Variants in MUC5B observed in about 807,000 individuals in gnomAD.
MUC5B encodes mucin 5B, oligomeric mucus/gel-forming, also known as mucin-5B.
A neutral mutation model predicts 376.9 loss-of-function variants in MUC5B; 116 were observed. That is an observed-to-expected ratio of 0.31 (90% CI 0.26 to 0.36). The LOEUF (loss-of-function observed/expected upper bound fraction) is 0.36, where lower values mean the gene tolerates loss of function less well. Ranked by LOEUF, MUC5B falls within the 10% of genes least tolerant of loss-of-function variation. The pLI is 1.00. For synonymous variants in MUC5B, 3,517 were observed against 3,390.9 expected (o/e 1.04, Z -1.29); for missense variants, 7,165 against 7,769.9 (o/e 0.92, Z 2.93).
In MUC5B at chr11:1,234,950, T is replaced by A; in HGVS notation, c.2631-135T>A. 1 of 1,286,554 alleles carries A rather than the reference T, an allele frequency of 7.8e-7. No homozygotes were observed. The highest frequency in any genetic ancestry group is 1.0e-6 in the Non-Finnish European group (1 of 962,248). The allele number at this position is 1,286,554 out of a possible 1,614,324, so 79.7% of individuals were successfully genotyped here. A position where few individuals can be genotyped will look rare whatever the true frequency, so the allele number is the denominator to read the frequency against. On this transcript the variant is annotated intron_variant, in intron 21 of 48. Coordinates refer to ENST00000529681, the MANE Select transcript of MUC5B (RefSeq NM_002458.3). This position sits in a 1 kb window ranked among gnomAD's most constrained non-coding sequence, Gnocchi z 6.3. Reference sequence around the variant, plus strand: ...CATTCACAGTGGGGGACACCACTTCTTCCACGGAGGAGGGGTCAGGCTGGG... The same window carrying A: ...CATTCACAGTGGGGGACACCACTTCATCCACGGAGGAGGGGTCAGGCTGGG...
rs376060915 is a variant in MUC5B, at chr11:1,241,787, G to A, written c.4907G>A (p.Ser1636Asn). 6.2e-7 allele frequency: 1 copy of A among 1,612,254 alleles called. No individual in the cohort carries two copies. Among genetic ancestry groups the A allele is most frequent in the Non-Finnish European group, 8.5e-7 (1 of 1,179,204 alleles). Residue 1636 changes from serine (S) to asparagine (N), a missense_variant, in exon 31 of 49, where the codon AGC becomes AAC. Coordinates refer to ENST00000529681, the MANE Select transcript of MUC5B (RefSeq NM_002458.3). ...ALFSTPQPTS[S>N]PGLTRAPPAS... ...TTCTCAACGCCGCAGCCTACGAGTA[G>A]CCCGGGGCTGACCAGGGCTCCCCCG...
Position 1,251,555 on chromosome 11 carries a change from C to T in MUC5B, c.14675C>T (p.Ser4892Phe). The T allele has an allele frequency of 6.2e-7, 1 of 1,613,034 alleles. No homozygotes were observed. The highest frequency in any genetic ancestry group is 1.1e-5 in the South Asian group (1 of 91,064). ...GCCACTATGCCCACAGCCACTGCCT[C>T]CACGGTTCCCAGCTCGTCCACCGTG... is the stretch of plus-strand genomic sequence containing the variant. ...TMATMPTATA[S>F]TVPSSSTVGT... Residue 4892 changes from serine to phenylalanine, a missense_variant, in exon 31 of 49, where the codon TCC becomes TTC. Physicochemically the swap from Ser to Phe is radical, Grantham distance 155. Transcript: ENST00000529681.
In MUC5B at chr11:1,223,074, C is replaced by T. The variant is rs749701950; in HGVS notation, c.-50C>T. The T allele has an allele frequency of 2.5e-5, 17 of 688,598 alleles. No individual in the cohort carries two copies. The highest frequency in any genetic ancestry group is 6.2e-5 in the Admixed American group (3 of 48,474). The allele number at this position is 688,598 out of a possible 1,614,324, so 42.7% of individuals were successfully genotyped here. ...CCCCCAGGGGAGCAAGCACCCGGCC[C>T]GGCTCCCTCCCTGCCCGTCCCCGTC... On this transcript the variant is annotated 5_prime_UTR_variant, in exon 1 of 49. Coordinates refer to ENST00000529681, the MANE Select transcript of MUC5B (RefSeq NM_002458.3).
intron 24 of MUC5B, 21 bp from the exon 25 acceptor site, chr11:1,236,904 A>C (rs1590173795): frequency 1.4e-6 from 2 of 1,407,848 alleles, no homozygotes; most frequent in South Asian, 3.4e-5. Flanking sequence ...CCAGGGCCCC[A>C]CTCTCTCGCT....
rs1479876422 is a variant in MUC5B, at chr11:1,231,542, C to T, written c.1660C>T (p.His554Tyr). 3.2e-6 allele frequency: 5 copies of T among 1,582,462 alleles called. No homozygotes were observed. Among genetic ancestry groups the T allele is most frequent in the Non-Finnish European group, 4.3e-6 (5 of 1,166,314 alleles). Reference protein sequence around the residue: ...MQVFVRLDPAHQGQMCGLCGN... With the variant: ...MQVFVRLDPAYQGQMCGLCGN... Reference sequence around the variant, plus strand: ...GGTGTTTGTCAGGCTGGACCCCGCCCACCAGGGCCAGATGTGCGGTGAGGC... The same window carrying T: ...GGTGTTTGTCAGGCTGGACCCCGCCTACCAGGGCCAGATGTGCGGTGAGGC... The change falls in exon 14 of 49, where the codon CAC becomes TAC. Residue 554 changes from histidine (H) to tyrosine (Y), a missense_variant. Physicochemically the swap from His to Tyr is moderately conservative, Grantham distance 83 (BLOSUM62 2). This residue lies in a region of MUC5B where 640 missense variants were observed against 733.0 expected (regional missense o/e 0.87). Coordinates refer to ENST00000529681, the MANE Select transcript of MUC5B (RefSeq NM_002458.3).
chr11:1,242,336 G>T lies in MUC5B; in HGVS notation c.5456G>T (p.Gly1819Val). 6.2e-7 allele frequency: 1 copy of T among 1,613,914 alleles called. No homozygotes were observed. Among genetic ancestry groups the T allele is most frequent in the Non-Finnish European group, 8.5e-7 (1 of 1,179,856 alleles). Reference protein sequence around the residue: ...ETFENIRAAGGKMCWAPKSIE... With the variant: ...ETFENIRAAGVKMCWAPKSIE... ...TTTGAAAACATCAGGGCTGCTGGGG[G>T]CAAGATGTGCTGGGCACCAAAGAGC... The change falls in exon 31 of 49, where the codon GGC becomes GTC. Residue 1819 changes from glycine (G) to valine (V), a missense_variant. This residue lies in a region of MUC5B where 897 missense variants were observed against 779.6 expected (regional missense o/e 1.15). Coordinates refer to ENST00000529681, the MANE Select transcript of MUC5B (RefSeq NM_002458.3).
Position 1,223,212 on chromosome 11 carries a change from GC to G in MUC5B, c.70+24del, listed in dbSNP as rs755983960. The G allele has an allele frequency of 2.8e-6, 2 of 709,310 alleles. No homozygotes were observed. Among genetic ancestry groups the G allele is most frequent in the East Asian group, 2.7e-5 (1 of 37,236 alleles). 43.9% of individuals were successfully genotyped at this position (709,310 alleles called of 1,614,324 possible). Reference sequence around the variant, plus strand: ...CAGGCAGGTAAGAGCCCCCCACTCCGCCCCCTCTCGATGCTGTCTTCACGGC... The same window carrying G: ...CAGGCAGGTAAGAGCCCCCCACTCCGCCCCTCTCGATGCTGTCTTCACGGC... On this transcript the variant is annotated intron_variant, in intron 1 of 48. Coordinates refer to ENST00000529681, the MANE Select transcript of MUC5B (RefSeq NM_002458.3).
Position 1,234,063 on chromosome 11 carries a change from G to T in MUC5B, c.2378-142G>T. On this transcript the variant is annotated intron_variant, in intron 19 of 48. Coordinates refer to ENST00000529681, the MANE Select transcript of MUC5B (RefSeq NM_002458.3). The surrounding 1 kb of genome is among the most constrained non-coding windows in gnomAD (Gnocchi z 6.3). Reference sequence around the variant, plus strand: ...CCGCAGTGTGGCCGGGGTGTCCTGGGGTTGGGGGCTGCAGGTGTCATGGAA... The same window carrying T: ...CCGCAGTGTGGCCGGGGTGTCCTGGTGTTGGGGGCTGCAGGTGTCATGGAA... 1.2e-6 allele frequency: 1 copy of T among 818,520 alleles called. No homozygotes were observed. The allele number at this position is 818,520 out of a possible 1,614,324, so 50.7% of individuals were successfully genotyped here.
chr11:1,231,976 C>A lies in MUC5B; in HGVS notation c.1679-20C>A, dbSNP rs1262113392. The stretch of plus-strand genomic sequence containing the variant: ...TGGGCCCAACAGTGGCCGCTGACAT[C>A]CCCCAACCCTGGCCCCCAGGCCTGT... On this transcript the variant is annotated intron_variant, in intron 14 of 48. Coordinates refer to ENST00000529681, the MANE Select transcript of MUC5B (RefSeq NM_002458.3). 6.2e-7 allele frequency: 1 copy of A among 1,612,156 alleles called. No homozygotes were observed. The highest frequency in any genetic ancestry group is 1.7e-5 in the Admixed American group (1 of 59,962).
chr11:1,249,045 C>T lies in MUC5B; in HGVS notation c.12165C>T (p.Thr4055=). The T allele has an allele frequency of 6.2e-7, 1 of 1,610,648 alleles. No homozygotes were observed. Among genetic ancestry groups the T allele is most frequent in the African/African-American group, 1.3e-5 (1 of 74,636 alleles). ...STGTSHTPAA[T]TGTTQHSTPA... is the part of the protein sequence containing the mutation. ...GGACTTCCCACACCCCAGCAGCAAC[C>T]ACCGGTACCACCCAGCACTCGACTC... The change falls in exon 31 of 49, where the codon ACC becomes ACT. Residue 4055 remains threonine (T), a synonymous_variant. Coordinates refer to ENST00000529681, the MANE Select transcript of MUC5B (RefSeq NM_002458.3).
In MUC5B at chr11:1,246,076, T is replaced by A; in HGVS notation, c.9196T>A (p.Phe3066Ile). ...AGCCACCAAATCCACAGCTACCAGC[T>A]TTACACCCATCCCCTCCTTCACCCT... is the stretch of plus-strand genomic sequence containing the variant. The part of the protein sequence containing the change: ...STATKSTATS[F>I]TPIPSFTLGT... Residue 3066 changes from phenylalanine to isoleucine, a missense_variant, in exon 31 of 49, where the codon TTT becomes ATT. By Grantham distance (21) the Phe-to-Ile change is conservative. This residue lies in a region of MUC5B where 939 missense variants were observed against 770.6 expected (regional missense o/e 1.22). Coordinates refer to ENST00000529681, the MANE Select transcript of MUC5B (RefSeq NM_002458.3). The A allele has an allele frequency of 6.2e-7, 1 of 1,611,178 alleles. No homozygotes were observed. The highest frequency in any genetic ancestry group is 8.5e-7 in the Non-Finnish European group (1 of 1,179,350).
intron 3 of MUC5B, 78 bp from the exon 4 acceptor site, chr11:1,226,537 C>T: frequency 6.6e-7 from 1 of 1,513,714 alleles, no homozygotes; most frequent in Non-Finnish European, 8.9e-7. Flanking sequence ...ATTCCAAAAA[C>T]CAGGGTGCCT....
Position 1,255,446 on chromosome 11 carries a change from C to T in MUC5B, c.15954C>T (p.Asp5318=). The stretch of plus-strand genomic sequence containing the variant: ...CATTCTTCAACGCCTGCATCAGCGA[C>T]CACTGCAGGGGCCGCCTTGAGGTGC... The part of the protein sequence containing the change: ...PGPFFNACIS[D]HCRGRLEVPC... Residue 5318 remains aspartate, a synonymous_variant, in exon 37 of 49, where the codon GAC becomes GAT. Transcript: ENST00000529681. The T allele has an allele frequency of 1.9e-6, 3 of 1,602,982 alleles. No homozygotes were observed. Among genetic ancestry groups the T allele is most frequent in the Non-Finnish European group, 2.6e-6 (3 of 1,175,556 alleles).
At chr11:1,259,532 AG>A (rs1339456803) in intron 44 of MUC5B, 9 of 591,580 alleles carry the variant, frequency 1.5e-5, no homozygotes, top group Non-Finnish European at 2.7e-5. Context: ...ACAGGGGCTG[AG>A]GTCAGGTTCC....
In MUC5B at chr11:1,243,105, G is replaced by A. The variant is rs757009329; in HGVS notation, c.6225G>A (p.Val2075=). 1.7e-5 allele frequency: 27 copies of A among 1,609,986 alleles called. No individual in the cohort carries two copies. The highest frequency in any genetic ancestry group is 3.3e-5 in the Admixed American group (2 of 59,710). Residue 2075 remains valine, a synonymous_variant, in exon 31 of 49, where the codon GTG becomes GTA. Transcript: ENST00000529681. The part of the protein sequence containing the change: ...SSPGTALTPP[V]WISTTTTPTT... The stretch of plus-strand genomic sequence containing the variant: ...CAGGGACGGCACTCACGCCTCCAGT[G>A]TGGATCAGCACAACCACCACACCCA...
In MUC5B at chr11:1,250,802, C is replaced by A; in HGVS notation, c.13922C>A (p.Ser4641Tyr). ...AGTGGCTCCACGGTGACCCCCTCCTCCATCCCGGGGACCACCCACACCGCC... is the reference window on the plus strand; with the variant it reads ...AGTGGCTCCACGGTGACCCCCTCCTACATCCCGGGGACCACCCACACCGCC... ...TTSGSTVTPSSIPGTTHTARV... is the reference protein window; with the variant it reads ...TTSGSTVTPSYIPGTTHTARV... Residue 4641 changes from serine to tyrosine, a missense_variant, in exon 31 of 49, where the codon TCC becomes TAC. Coordinates refer to ENST00000529681, the MANE Select transcript of MUC5B (RefSeq NM_002458.3). 1 of 1,613,520 alleles carries A rather than the reference C, an allele frequency of 6.2e-7. No homozygotes were observed. The highest frequency in any genetic ancestry group is 1.1e-5 in the South Asian group (1 of 91,074).
rs376744066 is a variant in MUC5B, at chr11:1,251,354, C to A, written c.14474C>A (p.Thr4825Lys). ...TTRILTELTT[T>K]ATTTAATGST... is the part of the protein sequence containing the mutation. ...CGGATCCTCACTGAGCTGACCACAACAGCCACTACAACTGCAGCCACTGGA... is the reference window on the plus strand; with the variant it reads ...CGGATCCTCACTGAGCTGACCACAAAAGCCACTACAACTGCAGCCACTGGA... Residue 4825 changes from threonine to lysine, a missense_variant, in exon 31 of 49, where the codon ACA becomes AAA. Coordinates refer to ENST00000529681, the MANE Select transcript of MUC5B (RefSeq NM_002458.3). 173 of 1,608,784 alleles carry A rather than the reference C, an allele frequency of 1.1e-4. 7 individuals carry two copies. Among genetic ancestry groups the A allele is most frequent in the South Asian group, 3.6e-4 (33 of 90,930 alleles).
chr11:1,235,038 C>G, intron 21 of MUC5B, 47 bp from the exon 22 acceptor site: 2 of 1,572,952 alleles, frequency 1.3e-6, no homozygotes, highest in South Asian at 1.2e-5. Context: ...TCAGGAAGGC[C>G]GGGAGAGCAG....
In MUC5B at chr11:1,232,627, G is replaced by A. The variant is rs751495786; in HGVS notation, c.1939-17G>A. The A allele has an allele frequency of 1.0e-5, 16 of 1,600,374 alleles. No homozygotes were observed. Among genetic ancestry groups the A allele is most frequent in the Admixed American group, 5.1e-5 (3 of 58,330 alleles). On this transcript the variant is annotated splice_polypyrimidine_tract_variant and intron_variant, in intron 16 of 48. Coordinates refer to ENST00000529681, the MANE Select transcript of MUC5B (RefSeq NM_002458.3). ...AGGCTGGGGTCCCTGACGCCCCGAT[G>A]CCTCCCACCTCCGCAGAACTGCATG...
Sources: gnomAD v4.1 joint callset for allele counts on GRCh38, gnomAD v4.1.1 for gene constraint, gnomAD v4.1.1 regional missense constraint, Gnocchi (gnomAD v3.1) non-coding constraint, MANE v1.5 for transcripts, NCBI Gene and HGNC (gene_info 2026-07-23, HGNC 2026-07-21) for gene names.